The following XPO1 variants were observed in gnomAD, a reference collection of about 807,000 sequenced individuals.
XPO1 encodes the protein exportin 1, also known as exportin-1.
In XPO1, 5 loss-of-function variants were observed where a neutral mutation model predicts 133.3. That is an observed-to-expected ratio of 0.04 (90% CI 0.02 to 0.08). The LOEUF (loss-of-function observed/expected upper bound fraction) is 0.08. Among genes scored for constraint, XPO1 ranks in the 10% least tolerant of loss-of-function variants. The probability of loss-of-function intolerance (pLI) is 1.00; values close to 1 mark genes in which losing one functional copy is unlikely to be tolerated. For missense variants in XPO1, 506 were observed against 1,267.5 expected (o/e 0.40, Z 9.12); for synonymous variants, 419 against 408.2 (o/e 1.03, Z -0.32).
In XPO1 at chr2:61,511,552, C is replaced by G. The variant is rs979956160; in HGVS notation, c.302-9242G>C. On this transcript the variant is annotated intron_variant, in intron 4 of 24. Coordinates refer to ENST00000401558, the MANE Select transcript of XPO1 (RefSeq NM_003400.4). ...TCAGCCTCCTGAGTGGCTGAAACTACAGGGGCACTCGACCATACACTGCTA... is the reference window on the plus strand; with the variant it reads ...TCAGCCTCCTGAGTGGCTGAAACTAGAGGGGCACTCGACCATACACTGCTA... Among the ~76,000 whole-genome samples the G allele has an allele frequency of 2.0e-4, 30 of 152,200 alleles. 2 individuals carry two copies. The highest frequency in any genetic ancestry group is 1.5e-3 in the Admixed American group (23 of 15,272).
intron 2 of XPO1, among the ~76,000 whole-genome samples, chr2:61,529,396 G>A (rs1360117441): frequency 6.6e-6 from 1 of 151,976 alleles, no homozygotes; most frequent in Non-Finnish European, 1.5e-5. Flanking sequence ...CGTGGCTCAC[G>A]CCTGTAATCC....
chr2:61,506,962 G>A (rs1185521838), intron 4 of XPO1, among the ~76,000 whole-genome samples: 1 of 152,072 alleles, frequency 6.6e-6, no homozygotes. Flanking sequence ...GGGCGCGGTG[G>A]CTCACACCTG....
At position 61,498,677 on chromosome 2, in the gene XPO1, T is replaced by C. The variant is rs1697359534; in HGVS notation, c.755A>G (p.Tyr252Cys). Residue 252 changes from tyrosine (Y) to cysteine (C), a missense_variant, in exon 9 of 25, where the codon TAT (tyrosine) becomes TGT (cysteine). By Grantham distance (194) the Tyr-to-Cys change is radical (BLOSUM62 -2). Around this residue, in one of 6 missense-constraint regions of XPO1, gnomAD observed 134 missense variants for 261.6 expected, o/e 0.51. Transcript: ENST00000401558. ...FETKLISTLI[Y>C]KFLNVPMFRN... ...ACTGAAATGTATTCACTGTACCTTA[T>C]AAATCAATGTGCTGATTAATTTGGT... The C allele has an allele frequency of 6.2e-7, 1 of 1,613,698 alleles. No individual in the cohort carries two copies. Among genetic ancestry groups the C allele is most frequent in the Non-Finnish European group, 8.5e-7 (1 of 1,179,902 alleles).
At chr2:61,480,898 C>T (rs925612317) in intron 24 of XPO1, among the ~76,000 whole-genome samples, 2 of 149,486 alleles carry the variant, frequency 1.3e-5, no homozygotes, top group African/African-American at 2.6e-5. Context: ...GAACTACCAA[C>T]GTTTTTCTTA....
At chr2:61,482,041 T>TTTTTTTTTTTTTTTTTTTC (rs1696395509) in intron 23 of XPO1, among the ~76,000 whole-genome samples, 1 of 25,866 alleles carries the variant, frequency 3.9e-5, no homozygotes, top group Non-Finnish European at 7.3e-5. Context: ...GGCCTTTTTT[T>TTTTTTTTTTTTTTTTTTTC]TTTTTTTTTT....
At position 61,481,806 on chromosome 2, in the gene XPO1, G is replaced by A. The variant is rs914950295; in HGVS notation, c.2973-525C>T. On this transcript the variant is annotated intron_variant, in intron 23 of 24. Coordinates refer to ENST00000401558, the MANE Select transcript of XPO1 (RefSeq NM_003400.4). ...CACTGGAGTGCAGTGGCACAATCTC[G>A]GCTCACTGCAACCTCTGCCTCCTGG... 1.0e-4 allele frequency among the ~76,000 whole-genome samples: 15 copies of A among 148,684 alleles called. No homozygotes were observed. In the Admixed American group the frequency reaches 1.0e-3, roughly 10 times the overall value.
chr2:61,489,536 T>G (rs977182964), intron 17 of XPO1, among the ~76,000 whole-genome samples: 3 of 151,984 alleles, frequency 2.0e-5, no homozygotes, highest in Non-Finnish European at 2.9e-5. Context: ...TACATCTACT[T>G]AAGAATGAAG....
chr2:61,482,397 G>C lies in XPO1; in HGVS notation c.2955C>G (p.Ala985=), dbSNP rs764252762. 4 of 1,609,434 alleles carry C rather than the reference G, an allele frequency of 2.5e-6. 1 individual carries two copies. In the South Asian group the frequency reaches 4.4e-5, roughly 18 times the overall value. The change falls in exon 23 of 25, where the codon GCC becomes GCG. Residue 985 remains alanine, a synonymous_variant. Transcript: ENST00000401558. ...ATATTTACTCTTGTAGGTGAGGGAA[G>C]GCCGACTTAAGGAGATTAGCCACAT... ...QEYVANLLKS[A]FPHLQDAQVK... is the part of the protein sequence containing the mutation.
At chr2:61,519,698 C>CAAA (rs753424450) in intron 4 of XPO1, among the ~76,000 whole-genome samples, 5,871 of 72,274 alleles carry the variant, frequency 0.081, 505 homozygotes, top group African/African-American at 0.12. Context: ...GACTCCGTCT[C>CAAA]AAAAAAAAAA....
At chr2:61,498,504 T>A (rs1697349713) in intron 9 of XPO1, among the ~76,000 whole-genome samples, 169 bp downstream of exon 9, 1 of 152,194 alleles carries the variant, frequency 6.6e-6, no homozygotes, top group South Asian at 2.1e-4. Flanking sequence ...GATTTGAAAC[T>A]CACTTTAAAT....
rs2104493818 is a variant in XPO1, at chr2:61,498,875, T to A, written c.629A>T (p.Gln210Leu). Residue 210 changes from glutamine to leucine, a missense_variant, in exon 8 of 25, where the codon CAG becomes CTG. Around this residue, in one of 6 missense-constraint regions of XPO1, gnomAD observed 134 missense variants for 261.6 expected, o/e 0.51. Transcript: ENST00000401558. ...NEFSQIFQLC[Q>L]FVMENSQNAP... ...ATTAAAAACACTTACCATTACAAAC[T>A]GACACAGTTGAAATATCTGTGAGAA... The A allele has an allele frequency of 1.2e-6, 2 of 1,600,804 alleles. No individual in the cohort carries two copies. Among genetic ancestry groups the A allele is most frequent in the Non-Finnish European group, 1.7e-6 (2 of 1,174,368 alleles).
chr2:61,486,291 A>C (rs1558632172), intron 19 of XPO1, among the ~76,000 whole-genome samples: 1 of 152,048 alleles, frequency 6.6e-6, no homozygotes, highest in Non-Finnish European at 1.5e-5. Context: ...CTTGTGCCTC[A>C]GTCTCCTGAG....
intron 11 of XPO1, chr2:61,494,426 C>G: frequency 4.8e-6 from 1 of 208,548 alleles, no homozygotes; most frequent in Non-Finnish European, 9.6e-6. Context: ...AAACAAAATA[C>G]TGAATATTCA....
chr2:61,502,157 T>C (rs1200400091), intron 5 of XPO1, 92 bp downstream of exon 5: 7 of 1,526,088 alleles, frequency 4.6e-6, no homozygotes, highest in South Asian at 1.2e-5. Context: ...TGCATATGTG[T>C]GACTATGTGT....
At chr2:61,510,591 TAA>T (rs1698041474) in intron 4 of XPO1, among the ~76,000 whole-genome samples, 1 of 152,152 alleles carries the variant, frequency 6.6e-6, no homozygotes, top group African/African-American at 2.4e-5. Flanking sequence ...ACAAAAAATC[TAA>T]AAGATTAAAA....
At position 61,510,155 on chromosome 2, in the gene XPO1, T is replaced by C. The variant is rs138550040; in HGVS notation, c.302-7845A>G. Among the ~76,000 whole-genome samples the C allele has an allele frequency of 2.7e-3, 411 of 152,230 alleles. 1 individual carries two copies. Among genetic ancestry groups the C allele is most frequent in the Non-Finnish European group, 3.9e-3 (264 of 68,018 alleles). On this transcript the variant is annotated intron_variant, in intron 4 of 24. Transcript: ENST00000401558. The stretch of plus-strand genomic sequence containing the variant: ...AGCCAGGCATGGTGGTGCACACCTG[T>C]AGTACCAGCTACTCTGGAGGCTGAG...
rs902629102 is a variant in XPO1, at chr2:61,494,205, C to G, written c.1048-114G>C. 14 of 982,464 alleles carry G rather than the reference C, an allele frequency of 1.4e-5. No homozygotes were observed. In the African/African-American group the frequency reaches 1.5e-4, roughly 10 times the overall value. 60.9% of individuals were successfully genotyped at this position (982,464 alleles called of 1,614,324 possible). ...AAAATTCATGTTTTATTCATCACAACTCAGATTTCAATACTTATCAAATAG... is the reference window on the plus strand; with the variant it reads ...AAAATTCATGTTTTATTCATCACAAGTCAGATTTCAATACTTATCAAATAG... On this transcript the variant is annotated intron_variant, in intron 11 of 24. Coordinates refer to ENST00000401558, the MANE Select transcript of XPO1 (RefSeq NM_003400.4).
At chr2:61,520,486 T>C (rs994193135) in intron 4 of XPO1, among the ~76,000 whole-genome samples, 3 of 150,824 alleles carry the variant, frequency 2.0e-5, no homozygotes, top group Non-Finnish European at 3.0e-5. Flanking sequence ...CTACAAAACA[T>C]TAAAAAAAAA....
intron 22 of XPO1, 35 bp from the exon 23 acceptor site, chr2:61,482,574 G>A: frequency 6.8e-7 from 1 of 1,481,198 alleles, no homozygotes; most frequent in Non-Finnish European, 9.1e-7. Context: ...ACTCCAAAAT[G>A]TAATATAACT....
Sources: allele counts gnomAD v4.1 joint callset (sites outside exome capture counted in the v4.1 genomes callset), GRCh38; gene constraint gnomAD v4.1.1; regional missense constraint gnomAD v4.1.1; transcripts MANE v1.5; gene names NCBI Gene and HGNC (gene_info 2026-07-23, HGNC 2026-07-21).